STMN1: variants seen among roughly 807,000 people sequenced by gnomAD.
The protein encoded by STMN1 is stathmin 1, also known as stathmin.
A neutral mutation model predicts 19.7 loss-of-function variants in STMN1; 3 were observed. The ratio of observed to expected loss-of-function variants is 0.15; its 90% confidence interval spans 0.07 to 0.39. The LOEUF is 0.39. STMN1 is among the 10% of genes least tolerant of loss of function. The pLI, the probability that STMN1 is intolerant of heterozygous loss-of-function variation, is 1.00. For synonymous variants in STMN1, 59 were observed against 58.9 expected, an observed-to-expected ratio of 1.00 and a Z score of -0.01; for missense variants, 99 against 176.0, an observed-to-expected ratio of 0.56 and a Z score of 2.48.
intron 4 of STMN1, among the ~76,000 whole-genome samples, chr1:25,893,053 G>A (rs1038743327): frequency 1.3e-5 from 2 of 152,084 alleles, no homozygotes; most frequent in African/African-American, 4.8e-5. Context: ...TATTGTGAAA[G>A]CACTTACTGC....
At chr1:25,887,800 C>T (rs1010574674) in intron 4 of STMN1, among the ~76,000 whole-genome samples, 6 of 152,156 alleles carry the variant, frequency 3.9e-5, no homozygotes, top group South Asian at 2.1e-4. Context: ...GGTTCTCCTG[C>T]GTCAGCCTCC....
chr1:25,901,778 G>C, intron 3 of STMN1, 96 bp from the exon 4 acceptor site: 1 of 1,231,588 alleles, frequency 8.1e-7, no homozygotes, highest in Non-Finnish European at 1.1e-6. Flanking sequence ...GGGAGGCCAA[G>C]GTGGGTGGAT....
chr1:25,886,975 T>C (rs1218465061), intron 4 of STMN1, among the ~76,000 whole-genome samples: 2 of 152,010 alleles, frequency 1.3e-5, no homozygotes, highest in African/African-American at 4.8e-5. Context: ...CGTTGACCGG[T>C]CCCCACCACC....
chr1:25,904,755 A>G lies in STMN1; in HGVS notation c.-62-17T>C. On this transcript the variant is annotated splice_polypyrimidine_tract_variant and intron_variant, in intron 1 of 4. Transcript: ENST00000455785. ...AGGAAAGTCCTGAAAATGATTTTCA[A>G]AAACATGCAATCACTTTCTTTGCCT... The G allele has an allele frequency of 6.3e-7, 1 of 1,592,222 alleles. No homozygotes were observed. Among genetic ancestry groups the G allele is most frequent in the Non-Finnish European group, 8.5e-7 (1 of 1,170,528 alleles).
chr1:25,904,906 G>A, intron 1 of STMN1, 168 bp from the exon 2 acceptor site: 3 of 450,012 alleles, frequency 6.7e-6, no homozygotes, highest in Non-Finnish European at 1.2e-5. Context: ...AATAAACATT[G>A]GGAAATATGA....
rs1323911848 is a variant in STMN1 at position 25,900,991 on chromosome 1, G to T, written c.*25C>A. Reference sequence around the variant, plus strand: ...CTTTGGATATTTAGGAAGGGGATGGGGAGAAAGTCAGTTCTCAGAACAAAT... The same window carrying T: ...CTTTGGATATTTAGGAAGGGGATGGTGAGAAAGTCAGTTCTCAGAACAAAT... On this transcript the variant is annotated 3_prime_UTR_variant, in exon 5 of 5. Coordinates refer to ENST00000455785, the MANE Select transcript of STMN1 (RefSeq NM_005563.4). 3 of 1,612,646 alleles carry T rather than the reference G, an allele frequency of 1.9e-6. No homozygotes were observed. In the African/African-American group the frequency reaches 4.0e-5, roughly 22 times the overall value.
In STMN1 at chr1:25,900,670, G is replaced by A. The variant is rs566790541; in HGVS notation, c.*346C>T. ...GTGAACAGATATTCAGCATCTAACA[G>A]TTCAAAAGAAGCCACTACATACTCT... On this transcript the variant is annotated 3_prime_UTR_variant, in exon 5 of 5. Transcript: ENST00000455785. The A allele has an allele frequency of 8.6e-5, 89 of 1,031,062 alleles. No individual in the cohort carries two copies. Among genetic ancestry groups the A allele is most frequent in the Middle Eastern group, 4.7e-4 (1 of 2,146 alleles). 63.9% of individuals were successfully genotyped at this position (1,031,062 alleles called of 1,614,324 possible). A position where few individuals can be genotyped will look rare whatever the true frequency, so the allele number is the denominator to read the frequency against.
At chr1:25,892,805 G>A (rs1238317468) in intron 4 of STMN1, among the ~76,000 whole-genome samples, 2 of 152,138 alleles carry the variant, frequency 1.3e-5, no homozygotes, top group Non-Finnish European at 2.9e-5. Flanking sequence ...CCGGGTGGGA[G>A]CCTGGGCCTC....
Position 25,900,550 on chromosome 1 carries a change from A to AAAG in STMN1, c.*463_*465dup. The AAAG allele has an allele frequency of 1.0e-6, 1 of 986,154 alleles. No individual in the cohort carries two copies. The highest frequency in any genetic ancestry group is 1.2e-6 in the Non-Finnish European group (1 of 830,136). 61.1% of individuals were successfully genotyped at this position (986,154 alleles called of 1,614,324 possible). On this transcript the variant is annotated 3_prime_UTR_variant, in exon 5 of 5. Coordinates refer to ENST00000455785, the MANE Select transcript of STMN1 (RefSeq NM_005563.4). ...TGGCTTGATTTATTAACCTAACTCA[A>AAAG]AAGAAGTCACTGCCACCAACAGCAC...
At chr1:25,906,592 C>CGGAGGGCA (rs1243219210), upstream of STMN1, 1 of 152,218 alleles carries the variant, frequency 6.6e-6, no homozygotes, top group African/African-American at 2.4e-5. The surrounding 1 kb of genome is among the most constrained non-coding windows in gnomAD (Gnocchi z 4.5). Context: ...AGTCCTGTCC[C>CGGAGGGCA]GGAGGGCAGG....
At chr1:25,896,034 T>A (rs971305015), downstream of STMN1, among the ~76,000 whole-genome samples, 3 of 151,784 alleles carry the variant, frequency 2.0e-5, no homozygotes. Flanking sequence ...ACAGGAGGAG[T>A]CCCTGTTTTC....
intron 4 of STMN1, chr1:25,887,658 C>A (rs1169804408): frequency 3.5e-5 from 8 of 228,386 alleles, no homozygotes; most frequent in Non-Finnish European, 6.2e-5. Flanking sequence ...GATTTCTAGA[C>A]AATAAAGATG....
chr1:25,897,834 G>A (rs1035901867), downstream of STMN1, among the ~76,000 whole-genome samples: 2 of 152,184 alleles, frequency 1.3e-5, no homozygotes, highest in Non-Finnish European at 2.9e-5. Context: ...ATGCCTGGAC[G>A]TTAAGTGCTC....
At chr1:25,894,537 G>A (rs1025254352) in intron 4 of STMN1, among the ~76,000 whole-genome samples, 3 of 152,016 alleles carry the variant, frequency 2.0e-5, no homozygotes, top group African/African-American at 7.3e-5. Context: ...AAAATTAGCC[G>A]GCCATTGTGG....
chr1:25,897,179 G>C (rs1483734910), downstream of STMN1, among the ~76,000 whole-genome samples: 2 of 152,200 alleles, frequency 1.3e-5, no homozygotes, highest in Non-Finnish European at 1.5e-5. Context: ...CAGGCACGGT[G>C]GTGCACGCCT....
chr1:25,903,569 T>G, intron 3 of STMN1, 72 bp downstream of exon 3: 1 of 1,576,800 alleles, frequency 6.3e-7, no homozygotes, highest in Non-Finnish European at 8.6e-7. Flanking sequence ...GTTTTCTTCC[T>G]GTTATAGAAA....
intron 4 of STMN1, among the ~76,000 whole-genome samples, chr1:25,886,393 AAGGAGGAGGTTGG>A (rs1239184624): frequency 6.6e-6 from 1 of 152,138 alleles, no homozygotes; most frequent in East Asian, 1.9e-4. Flanking sequence ...TCATTTGGAA[AAGGAGGAGGTTGG>A]ATTTGTTGAT....
intron 4 of STMN1, among the ~76,000 whole-genome samples, chr1:25,892,114 G>C (rs2048780941): frequency 6.6e-6 from 1 of 152,242 alleles, no homozygotes; most frequent in Non-Finnish European, 1.5e-5. Context: ...ATTAGGCCAG[G>C]TGCTGTGGCT....
At chr1:25,893,557 TGA>T (rs1021871083) in intron 4 of STMN1, among the ~76,000 whole-genome samples, 53 of 152,186 alleles carry the variant, frequency 3.5e-4, no homozygotes, top group Non-Finnish European at 1.5e-4. Flanking sequence ...TTTATTTTTT[TGA>T]GACACAGTCT....
Sources: gnomAD v4.1 joint callset for allele counts (sites outside exome capture counted in the v4.1 genomes callset) on GRCh38, gnomAD v4.1.1 for gene constraint, Gnocchi (gnomAD v3.1) non-coding constraint, MANE v1.5 for transcripts, NCBI Gene and HGNC (gene_info 2026-07-23, HGNC 2026-07-21) for gene names.